FGD6: variants seen among roughly 807,000 people sequenced by gnomAD.
FGD6 encodes FYVE, RhoGEF and PH domain-containing protein 6.
A neutral mutation model predicts 149.4 loss-of-function variants in FGD6; 90 were observed. The ratio of observed to expected loss-of-function variants is 0.60; its 90% CI spans 0.51 to 0.72. FGD6 has a LOEUF of 0.72. Ranked by LOEUF, FGD6 falls within the 30% of genes least tolerant of loss-of-function variation. FGD6 has a pLI of 0.00. For missense variants in FGD6, 1,437 were observed against 1,684.8 expected (o/e 0.85, Z 2.57); for synonymous variants, 527 against 584.0 (o/e 0.90, Z 1.41).
At chr12:95,126,481 T>G in intron 8 of FGD6, 2 of 634,824 alleles carry the variant, frequency 3.2e-6, no homozygotes, top group Non-Finnish European at 5.1e-6. Flanking sequence ...GTAATCCCAG[T>G]ACCGTGGGAG....
chr12:95,190,546 C>T (rs183953861), intron 2 of FGD6, among the ~76,000 whole-genome samples: 7 of 152,118 alleles, frequency 4.6e-5, no homozygotes, highest in Non-Finnish European at 8.8e-5. Context: ...TTTTCCATAT[C>T]GATATCTAAT....
chr12:95,211,216 T>C lies in FGD6; in HGVS notation c.68A>G (p.Asn23Ser), dbSNP rs368117704. 6.2e-7 allele frequency: 1 copy of C among 1,609,018 alleles called. No homozygotes were observed. Among genetic ancestry groups the C allele is most frequent in the Non-Finnish European group, 8.5e-7 (1 of 1,178,584 alleles). Residue 23 changes from asparagine (N) to serine (S), a missense_variant, in exon 2 of 21, where the codon AAT (asparagine) becomes AGT (serine). Asn to Ser is a conservative substitution (Grantham distance 46, BLOSUM62 1). Transcript: ENST00000343958. ...APKPKFVVAN[N>S]KPAPPPIAPK... ...TGCAATAGGAGGTGGGGCTGGCTTATTATTTGCCACAACAAACTTGGGCTT... is the reference window on the plus strand; with the variant it reads ...TGCAATAGGAGGTGGGGCTGGCTTACTATTTGCCACAACAAACTTGGGCTT...
intron 9 of FGD6, among the ~76,000 whole-genome samples, chr12:95,109,129 G>T (rs1034590955): frequency 6.6e-6 from 1 of 152,192 alleles, no homozygotes. Context: ...GTGTCATTTT[G>T]TGAGCTGGGT....
intron 14 of FGD6, among the ~76,000 whole-genome samples, chr12:95,104,058 A>G (rs1467258351): frequency 6.6e-6 from 1 of 152,192 alleles, no homozygotes; most frequent in Non-Finnish European, 1.5e-5. Context: ...TGAAATAGCC[A>G]CTTAAAAAAT....
rs137938056 is a variant in FGD6, at chr12:95,117,986, A to G, written c.3083-4285T>C. Among the ~76,000 whole-genome samples the G allele has an allele frequency of 2.3e-3, 350 of 151,878 alleles. 5 individuals are homozygous for G. In the East Asian group the frequency reaches 0.037, roughly 16 times the overall value. On this transcript the variant is annotated intron_variant, in intron 8 of 20. Coordinates refer to ENST00000343958, the MANE Select transcript of FGD6 (RefSeq NM_018351.4). ...AACCTGGGAGGCAGAGGTTGCAGTG[A>G]GCTGAGATCGTGCCACTGCACTACA...
intron 2 of FGD6, among the ~76,000 whole-genome samples, chr12:95,180,079 C>CAAAA (rs148087005): frequency 7.2e-6 from 1 of 138,734 alleles, no homozygotes; most frequent in South Asian, 2.3e-4. Context: ...ACTCTGCCTC[C>CAAAA]AAAAAAAAAA....
At chr12:95,148,554 ATATAT>A (rs199548338) in intron 5 of FGD6, among the ~76,000 whole-genome samples, 24,305 of 98,038 alleles carry the variant, frequency 0.25, 2,616 homozygotes, top group Non-Finnish European at 0.28. Flanking sequence ...ATATTATATT[ATATAT>A]TATATATTAT....
In FGD6 at chr12:95,078,640, A is replaced by G. The variant is rs531396184; in HGVS notation, c.*2880T>C. ...AATACAATAGGGGGATGCTGGGTAC[A>G]TTACAGAAAAAGGGAAAAGAGATTG... On this transcript the variant is annotated 3_prime_UTR_variant, in exon 21 of 21. Transcript: ENST00000343958. 2 of 152,364 alleles carry G rather than the reference A, an allele frequency of 1.3e-5. No homozygotes were observed. The highest frequency in any genetic ancestry group is 1.9e-4 in the East Asian group (1 of 5,194). 9.4% of individuals were successfully genotyped at this position (152,364 alleles called of 1,614,324 possible).
intron 6 of FGD6, among the ~76,000 whole-genome samples, chr12:95,140,512 G>A (rs957010758): frequency 1.3e-5 from 2 of 152,176 alleles, no homozygotes; most frequent in African/African-American, 2.4e-5. Context: ...AGCTACGCAG[G>A]AGGCTGAGAC....
intron 5 of FGD6, among the ~76,000 whole-genome samples, chr12:95,149,648 C>T (rs1400830798): frequency 2.6e-5 from 1 of 38,528 alleles, no homozygotes; most frequent in Non-Finnish European, 4.0e-5. Context: ...CACAGCAAAC[C>T]CTTTTTTCAA....
chr12:95,130,323 A>T (rs907162922), intron 8 of FGD6, among the ~76,000 whole-genome samples: 3 of 152,222 alleles, frequency 2.0e-5, no homozygotes, highest in Non-Finnish European at 4.4e-5. Flanking sequence ...AAACCTACTT[A>T]CATTGAATCA....
At chr12:95,170,384 T>A (rs1880956781) in intron 3 of FGD6, among the ~76,000 whole-genome samples, 1 of 152,120 alleles carries the variant, frequency 6.6e-6, no homozygotes, top group South Asian at 2.1e-4. Flanking sequence ...CTCATGCCTG[T>A]AGTGTTAGCA....
chr12:95,209,288 C>G lies in FGD6; in HGVS notation c.1996G>C (p.Glu666Gln), dbSNP rs750897746. 3 of 1,614,150 alleles carry G rather than the reference C, an allele frequency of 1.9e-6. No individual in the cohort carries two copies. Among genetic ancestry groups the G allele is most frequent in the Non-Finnish European group, 2.5e-6 (3 of 1,180,028 alleles). ...CAATCACTTTCAATCCCCTTCTGCT[C>G]CCCACTGGAGAGGTGGCCTGTGGTG... ...DTTTGHLSSG[E>Q]QKGIESDWQG... The change falls in exon 2 of 21, where the codon GAG becomes CAG. Residue 666 changes from glutamate (E) to glutamine (Q), a missense_variant. Glu to Gln is a conservative substitution (Grantham distance 29). Transcript: ENST00000343958.
intron 6 of FGD6, among the ~76,000 whole-genome samples, chr12:95,138,752 C>T (rs1879757154): frequency 2.0e-5 from 3 of 152,148 alleles, no homozygotes; most frequent in Admixed American, 2.0e-4. Flanking sequence ...CCCTGGCTGG[C>T]TGCTCCTTTC....
chr12:95,138,128 C>G lies in FGD6; in HGVS notation c.2838-450G>C, dbSNP rs536395442. ...CCAAGACAGGAGAATTGTTTGAACCCGGGAGGGGGAGGTTGCAGTGAGCCG... is the reference window on the plus strand; with the variant it reads ...CCAAGACAGGAGAATTGTTTGAACCGGGGAGGGGGAGGTTGCAGTGAGCCG... On this transcript the variant is annotated intron_variant, in intron 6 of 20. Transcript: ENST00000343958. Among the ~76,000 whole-genome samples the G allele has an allele frequency of 1.4e-4, 21 of 151,722 alleles. No homozygotes were observed. In the East Asian group the frequency reaches 1.6e-3, roughly 11 times the overall value.
intron 9 of FGD6, among the ~76,000 whole-genome samples, chr12:95,109,923 G>T (rs1007665519): frequency 1.3e-5 from 2 of 151,884 alleles, no homozygotes; most frequent in Non-Finnish European, 2.9e-5. Flanking sequence ...GGGTTGAGGT[G>T]TTTTGGTCCA....
chr12:95,150,452 A>T (rs1262388134), intron 5 of FGD6, among the ~76,000 whole-genome samples: 1 of 152,156 alleles, frequency 6.6e-6, no homozygotes, highest in African/African-American at 2.4e-5. Context: ...ACTTGTACTT[A>T]ATTATATCAG....
At chr12:95,184,642 C>T (rs1399931826) in intron 2 of FGD6, among the ~76,000 whole-genome samples, 2 of 149,526 alleles carry the variant, frequency 1.3e-5, no homozygotes, top group African/African-American at 2.5e-5. Flanking sequence ...TGCAGTGGTG[C>T]GCGATCTTGG....
intron 3 of FGD6, among the ~76,000 whole-genome samples, chr12:95,157,570 A>AAAG (rs1880510091): frequency 6.6e-6 from 1 of 151,362 alleles, no homozygotes; most frequent in Non-Finnish European, 1.5e-5. Context: ...CTGTCTCAAA[A>AAAG]AAAAAAAAAA....
Sources: gnomAD v4.1 joint callset for allele counts (sites outside exome capture counted in the v4.1 genomes callset) on GRCh38, gnomAD v4.1.1 for gene constraint, MANE v1.5 for transcripts, NCBI Gene and HGNC (gene_info 2026-07-23, HGNC 2026-07-21) for gene names.